The following IQCM variants were observed in gnomAD, a reference collection of about 807,000 sequenced individuals.
The protein encoded by IQCM is IQ domain-containing protein M.
IQCM carries 45 observed loss-of-function variants against 57.6 expected under a neutral mutation model. The ratio of observed to expected loss-of-function variants is 0.78; its 90% CI spans 0.62 to 1.00. The LOEUF is 1.00. Ranked by LOEUF, IQCM falls within the 50% of genes least tolerant of loss-of-function variation. IQCM has a pLI of 0.00. For missense variants in IQCM, 468 were observed against 511.6 expected (o/e 0.91, Z 0.82); for synonymous variants, 148 against 158.9 (o/e 0.93, Z 0.51).
chr4:149,815,076 C>G (rs978872476), intron 2 of IQCM, among the ~76,000 whole-genome samples: 1 of 151,910 alleles, frequency 6.6e-6, no homozygotes, highest in Admixed American at 6.6e-5. Flanking sequence ...TCTCTGTTGA[C>G]AATAGTCATA....
At chr4:149,641,955 T>C (rs570688600) in intron 7 of IQCM, among the ~76,000 whole-genome samples, 8 of 152,266 alleles carry the variant, frequency 5.3e-5, no homozygotes, top group African/African-American at 1.7e-4. Context: ...AGTTCAACAA[T>C]TTCACTGTAG....
At chr4:149,395,086 T>C (rs1732131492) in intron 13 of IQCM, among the ~76,000 whole-genome samples, 1 of 152,008 alleles carries the variant, frequency 6.6e-6, no homozygotes, top group Non-Finnish European at 1.5e-5. Context: ...TATCTAAAAC[T>C]TCCCTACTGA....
intron 5 of IQCM, among the ~76,000 whole-genome samples, chr4:149,722,796 T>A (rs1765562413): frequency 6.6e-6 from 1 of 152,064 alleles, no homozygotes; most frequent in African/African-American, 2.4e-5. Flanking sequence ...CCATATGAAT[T>A]TTAGGACTGT....
At chr4:149,392,264 T>C (rs563932956) in intron 13 of IQCM, among the ~76,000 whole-genome samples, 1 of 152,156 alleles carries the variant, frequency 6.6e-6, no homozygotes, top group South Asian at 2.1e-4. Flanking sequence ...AGTGATTCTA[T>C]TCACACTTTT....
chr4:149,389,816 C>A (rs1245879895), intron 13 of IQCM, among the ~76,000 whole-genome samples: 1 of 151,770 alleles, frequency 6.6e-6, no homozygotes. Context: ...TGTAACTAAC[C>A]TGCACATTGT....
At chr4:149,390,705 T>G (rs1731790566) in intron 13 of IQCM, among the ~76,000 whole-genome samples, 1 of 151,954 alleles carries the variant, frequency 6.6e-6, no homozygotes, top group Non-Finnish European at 1.5e-5. Flanking sequence ...TTATTAATAT[T>G]GTATAACGCA....
chr4:149,472,478 A>G (rs1361167260), intron 12 of IQCM, among the ~76,000 whole-genome samples: 1 of 152,228 alleles, frequency 6.6e-6, no homozygotes, highest in African/African-American at 2.4e-5. Context: ...AAGAGGACAC[A>G]AACAAATGGA....
At chr4:149,692,491 T>A (rs1041749117) in intron 5 of IQCM, among the ~76,000 whole-genome samples, 1 of 152,182 alleles carries the variant, frequency 6.6e-6, no homozygotes, top group Admixed American at 6.6e-5. Context: ...GATATGTCTA[T>A]TTTAGAGAAA....
At chr4:149,793,068 T>A (rs1161927624) in intron 2 of IQCM, among the ~76,000 whole-genome samples, 1 of 152,184 alleles carries the variant, frequency 6.6e-6, no homozygotes, top group Non-Finnish European at 1.5e-5. Flanking sequence ...TCAGCTCAAA[T>A]CCCTTGATGG....
chr4:149,672,241 G>A (rs547682408), intron 7 of IQCM, among the ~76,000 whole-genome samples: 3 of 152,292 alleles, frequency 2.0e-5, no homozygotes, highest in East Asian at 1.9e-4. Context: ...GCAGCTCCTC[G>A]CCAGCAACGG....
At chr4:149,547,835 G>A (rs1214830562) in intron 12 of IQCM, among the ~76,000 whole-genome samples, 1 of 152,024 alleles carries the variant, frequency 6.6e-6, no homozygotes, top group East Asian at 1.9e-4. Context: ...AGAAAGAAAA[G>A]CTGAAAAGAA....
chr4:149,360,665 G>A (rs977666467), intron 13 of IQCM, among the ~76,000 whole-genome samples: 2 of 152,070 alleles, frequency 1.3e-5, no homozygotes, highest in African/African-American at 4.8e-5. Context: ...TTTCTGTTTT[G>A]CTTCTTCCTC....
At chr4:149,619,111 TATATATATATATATATATATAC>T (rs1756074699) in intron 8 of IQCM, among the ~76,000 whole-genome samples, 2 of 144,474 alleles carry the variant, frequency 1.4e-5, no homozygotes, top group African/African-American at 5.2e-5. Flanking sequence ...GGGATGGATA[TATATATATATATATATATATAC>T]ACCATGGAAT....
At chr4:149,529,434 C>T (rs1185336752) in intron 12 of IQCM, among the ~76,000 whole-genome samples, 1 of 152,140 alleles carries the variant, frequency 6.6e-6, no homozygotes, top group Non-Finnish European at 1.5e-5. Context: ...TTATATTTTA[C>T]TTCCCTTGGG....
intron 10 of IQCM, among the ~76,000 whole-genome samples, chr4:149,555,506 G>T (rs777856844): frequency 3.9e-5 from 6 of 152,092 alleles, no homozygotes; most frequent in African/African-American, 1.2e-4. Context: ...ATTTTTCAAG[G>T]GCAGCATTTG....
At chr4:149,444,964 C>T (rs1736346917) in intron 12 of IQCM, among the ~76,000 whole-genome samples, 1 of 151,924 alleles carries the variant, frequency 6.6e-6, no homozygotes, top group Admixed American at 6.6e-5. Flanking sequence ...TATCCCCTTT[C>T]TGTCAATGTC....
chr4:149,404,177 C>T (rs1732815637), intron 13 of IQCM, among the ~76,000 whole-genome samples: 2 of 151,982 alleles, frequency 1.3e-5, no homozygotes, highest in Non-Finnish European at 2.9e-5. Flanking sequence ...CAACATTGTT[C>T]AGATTCACTC....
intron 12 of IQCM, among the ~76,000 whole-genome samples, chr4:149,445,281 C>T (rs572858030): frequency 2.0e-5 from 3 of 151,712 alleles, no homozygotes; most frequent in Non-Finnish European, 2.9e-5. Flanking sequence ...GTAGGATAAA[C>T]CTGGATTCCT....
chr4:149,682,916 G>A (rs966040093), intron 6 of IQCM, among the ~76,000 whole-genome samples: 4 of 150,994 alleles, frequency 2.6e-5, no homozygotes, highest in Admixed American at 6.6e-5. Context: ...GGGACTTCAG[G>A]AACCATATTA....
Sources: gnomAD v4.1 joint callset for allele counts (sites outside exome capture counted in the v4.1 genomes callset) on GRCh38, gnomAD v4.1.1 for gene constraint, MANE v1.5 for transcripts, NCBI Gene and HGNC (gene_info 2026-07-23, HGNC 2026-07-21) for gene names.